LRFN5: variants seen among roughly 807,000 people sequenced by gnomAD.
LRFN5 encodes leucine-rich repeat and fibronectin type-III domain-containing protein 5.
Under a neutral mutation model 45.6 loss-of-function variants are expected in LRFN5, and 24 were observed. That is an observed-to-expected ratio of 0.53 (90% CI 0.38 to 0.74). The LOEUF is 0.74. Ranked by LOEUF, LRFN5 falls within the 30% of genes least tolerant of loss-of-function variation. The pLI is 0.00. For missense variants in LRFN5, 776 were observed against 861.5 expected, an observed-to-expected ratio of 0.90 and a Z score of 1.24; for synonymous variants, 340 against 313.8, an observed-to-expected ratio of 1.08 and a Z score of -0.88.
intron 1 of LRFN5, among the ~76,000 whole-genome samples, chr14:41,623,973 A>T (rs1888231077): frequency 6.6e-6 from 1 of 152,134 alleles, no homozygotes; most frequent in African/African-American, 2.4e-5. Context: ...TGGTTAACTA[A>T]TGTTCCTGTT....
At position 41,887,619 on chromosome 14, in the gene LRFN5, A is replaced by G. The variant is rs746120013; in HGVS notation, c.994A>G (p.Thr332Ala). The G allele has an allele frequency of 1.3e-5, 21 of 1,614,234 alleles. No homozygotes were observed. Among genetic ancestry groups the G allele is most frequent in the South Asian group, 2.2e-5 (2 of 91,088 alleles). ...SPEGKLISNA[T>A]RSLVYDNGTL... The stretch of plus-strand genomic sequence containing the variant: ...TGAAGGGAAGCTTATTTCAAATGCA[A>G]CAAGATCTCTGGTGTATGATAACGG... The change falls in exon 3 of 6, where the codon ACA becomes GCA. Residue 332 changes from threonine (T) to alanine (A), a missense_variant. Physicochemically the swap from Thr to Ala is moderately conservative, Grantham distance 58. Coordinates refer to ENST00000298119, the MANE Select transcript of LRFN5 (RefSeq NM_152447.5). This position sits in a 1 kb window ranked among gnomAD's most constrained non-coding sequence, Gnocchi z 4.8.
chr14:41,893,444 A>C (rs1457329767), intron 4 of LRFN5: 2 of 984,990 alleles, frequency 2.0e-6, no homozygotes, highest in Non-Finnish European at 2.4e-6. Flanking sequence ...ATTGCTTTGC[A>C]CAAAAGAAAT....
intron 1 of LRFN5, among the ~76,000 whole-genome samples, chr14:41,722,565 G>T (rs376502850): frequency 4.8e-5 from 7 of 145,796 alleles, no homozygotes; most frequent in Non-Finnish European, 1.1e-4. Context: ...AAAATACGGT[G>T]TTTTTTTTTT....
At chr14:41,859,697 A>G (rs958899814) in intron 2 of LRFN5, among the ~76,000 whole-genome samples, 5 of 152,234 alleles carry the variant, frequency 3.3e-5, no homozygotes, top group Admixed American at 6.5e-5. Flanking sequence ...CTCCAAATAT[A>G]TAGAAATTCA....
chr14:41,888,768 T>C (rs1890669594), intron 3 of LRFN5, among the ~76,000 whole-genome samples: 1 of 152,102 alleles, frequency 6.6e-6, no homozygotes, highest in African/African-American at 2.4e-5. Flanking sequence ...AGGATGATGA[T>C]GGAGAATTTG....
At chr14:41,779,805 A>G (rs1388086366) in intron 2 of LRFN5, among the ~76,000 whole-genome samples, 1 of 151,962 alleles carries the variant, frequency 6.6e-6, no homozygotes, top group East Asian at 1.9e-4. Flanking sequence ...ACATTGAACC[A>G]GTAATATCAA....
chr14:41,670,290 TATATATATATATATAC>T (rs1311438945), intron 1 of LRFN5, among the ~76,000 whole-genome samples: 764 of 67,066 alleles, frequency 0.011, 24 homozygotes, highest in East Asian at 0.078. Context: ...TATATATATA[TATATATATATATATAC>T]ACACACACAG....
intron 5 of LRFN5, among the ~76,000 whole-genome samples, chr14:41,902,003 C>T (rs545337644): frequency 6.6e-6 from 1 of 152,090 alleles, no homozygotes; most frequent in South Asian, 2.1e-4. Context: ...TTTGGGTCAG[C>T]AATGACCTTT....
At chr14:41,867,109 T>C (rs957492787) in intron 2 of LRFN5, among the ~76,000 whole-genome samples, 5 of 152,056 alleles carry the variant, frequency 3.3e-5, no homozygotes, top group African/African-American at 1.2e-4. Context: ...CCTCCTTAAA[T>C]CCATAAGGCA....
chr14:41,744,054 A>G (rs1884818006), intron 1 of LRFN5, among the ~76,000 whole-genome samples: 3 of 152,162 alleles, frequency 2.0e-5, no homozygotes, highest in African/African-American at 7.2e-5. Context: ...GAATATACAC[A>G]AAAGAAAATG....
chr14:41,839,827 C>T (rs1888796952), intron 2 of LRFN5, among the ~76,000 whole-genome samples: 2 of 152,096 alleles, frequency 1.3e-5, no homozygotes, highest in African/African-American at 4.8e-5. Context: ...AATTCAATTT[C>T]TAACCAGCGG....
At chr14:41,842,218 ATT>A in intron 2 of LRFN5, among the ~76,000 whole-genome samples, 1 of 152,236 alleles carries the variant, frequency 6.6e-6, no homozygotes, top group South Asian at 2.1e-4. Flanking sequence ...TAGATATTGC[ATT>A]GAGATTATCA....
At chr14:41,826,306 A>G (rs771038622) in intron 2 of LRFN5, among the ~76,000 whole-genome samples, 5 of 152,170 alleles carry the variant, frequency 3.3e-5, no homozygotes, top group African/African-American at 7.2e-5. Flanking sequence ...CTTGTACCAT[A>G]CTTTCCTTAC....
intron 1 of LRFN5, chr14:41,733,427 T>A (rs761773336): frequency 4.6e-5 from 7 of 151,054 alleles, no homozygotes; most frequent in Non-Finnish European, 7.4e-5. Flanking sequence ...AAAAAAAAAA[T>A]ATCAACCAAG....
intron 1 of LRFN5, among the ~76,000 whole-genome samples, chr14:41,719,583 C>G (rs1883628985): frequency 6.6e-6 from 1 of 152,060 alleles, no homozygotes; most frequent in Non-Finnish European, 1.5e-5. Flanking sequence ...CAGATTACCT[C>G]TAATGCAACT....
intron 2 of LRFN5, among the ~76,000 whole-genome samples, chr14:41,821,834 T>C (rs1888124876): frequency 6.6e-6 from 1 of 151,528 alleles, no homozygotes; most frequent in South Asian, 2.1e-4. Flanking sequence ...GTTTCCATCT[T>C]ACTACTCATT....
intron 1 of LRFN5, among the ~76,000 whole-genome samples, chr14:41,721,439 C>G (rs1414253088): frequency 1.3e-5 from 2 of 152,066 alleles, no homozygotes; most frequent in Non-Finnish European, 2.9e-5. Context: ...TTTGTAGTTT[C>G]TATTGTGTCG....
chr14:41,792,833 C>T (rs1403516804), intron 2 of LRFN5, among the ~76,000 whole-genome samples: 5 of 151,952 alleles, frequency 3.3e-5, no homozygotes, highest in Admixed American at 6.6e-5. Context: ...ATATCCTCAG[C>T]TTACAAAGAT....
intron 2 of LRFN5, among the ~76,000 whole-genome samples, chr14:41,885,021 GC>G (rs1890515189): frequency 1.3e-5 from 2 of 152,212 alleles, no homozygotes; most frequent in South Asian, 4.1e-4. Flanking sequence ...ATGATTTTCT[GC>G]AGCTATTTTC....
Sources: allele counts gnomAD v4.1 joint callset (sites outside exome capture counted in the v4.1 genomes callset), GRCh38; gene constraint gnomAD v4.1.1; non-coding constraint Gnocchi (gnomAD v3.1); transcripts MANE v1.5; gene names NCBI Gene and HGNC (gene_info 2026-07-23, HGNC 2026-07-21).